Variants in PRRG1 observed in about 807,000 individuals in gnomAD.
PRRG1 encodes transmembrane gamma-carboxyglutamic acid protein 1.
A neutral mutation model predicts 11.8 loss-of-function variants in PRRG1; 5 were observed. The observed-to-expected ratio is 0.42, with a 90% CI of 0.22 to 0.89. The LOEUF is 0.89. PRRG1 is among the 40% of genes least tolerant of loss of function. PRRG1 has a pLI of 0.28. For missense variants in PRRG1, 155 were observed against 166.1 expected (o/e 0.93, Z 0.37); for synonymous variants, 66 against 60.4 (o/e 1.09, Z -0.43).
At chrX:37,358,665 C>A (rs1260290178) in intron 1 of PRRG1, among the ~76,000 whole-genome samples, 1 of 111,122 alleles carries the variant, frequency 9.0e-6, no homozygotes, top group Non-Finnish European at 1.9e-5. Context: ...CTTTGGTGTT[C>A]TACAATATTG....
intron 2 of PRRG1, among the ~76,000 whole-genome samples, chrX:37,423,453 A>G (rs1483015991): frequency 5.4e-5 from 6 of 110,386 alleles, no homozygotes; most frequent in Non-Finnish European, 1.1e-4. Context: ...TAGTAAGCCA[A>G]GGTTAATTTA....
intron 1 of PRRG1, among the ~76,000 whole-genome samples, chrX:37,352,478 C>T (rs1051506731): frequency 9.0e-6 from 1 of 111,588 alleles, no homozygotes; most frequent in Admixed American, 9.5e-5. Flanking sequence ...ATCTGTGGAC[C>T]TACTGACTGA....
intron 1 of PRRG1, among the ~76,000 whole-genome samples, chrX:37,353,101 A>G (rs3951838): frequency 0.036 from 3,972 of 111,800 alleles, 174 homozygotes; most frequent in African/African-American, 0.12. Flanking sequence ...CATTGTTATC[A>G]TAGGGGATGA....
At chrX:37,353,665 G>T (rs1274973857) in intron 1 of PRRG1, among the ~76,000 whole-genome samples, 3 of 111,777 alleles carry the variant, frequency 2.7e-5, no homozygotes, top group Non-Finnish European at 5.7e-5. Context: ...TACATTTTCT[G>T]TGTTTAGATA....
In PRRG1 at chrX:37,354,537, C is replaced by T. The variant is rs1000686182; in HGVS notation, c.-42+5142C>T. On this transcript the variant is annotated intron_variant, in intron 1 of 3. Coordinates refer to ENST00000378628, the MANE Select transcript of PRRG1 (RefSeq NM_001142395.2). ...CCTCCCAAGTAGCTGGGACTACAGG[C>T]GACTACCACCATGCCTGGCTAATTT... Among the ~76,000 whole-genome samples, 8 of 108,854 alleles carry T rather than the reference C, an allele frequency of 7.3e-5. 1 individual carries two copies. Among genetic ancestry groups the T allele is most frequent in the Non-Finnish European group, 1.1e-4 (6 of 52,315 alleles). 94.5% of individuals were successfully genotyped at this position (108,854 alleles called of 115,157 possible).
intron 2 of PRRG1, among the ~76,000 whole-genome samples, chrX:37,422,429 T>C (rs1363180240): frequency 9.0e-6 from 1 of 111,594 alleles, no homozygotes; most frequent in Non-Finnish European, 1.9e-5. Context: ...CAGACTCAAA[T>C]CCATTTTCTA....
chrX:37,358,745 T>A (rs922993185), intron 1 of PRRG1, among the ~76,000 whole-genome samples: 1 of 111,574 alleles, frequency 9.0e-6, no homozygotes, highest in African/African-American at 3.3e-5. Flanking sequence ...AAAAAAAAAA[T>A]TCACAATATC....
chrX:37,408,393 C>G (rs1556382650), intron 2 of PRRG1, among the ~76,000 whole-genome samples: 3 of 111,865 alleles, frequency 2.7e-5, no homozygotes, highest in African/African-American at 9.8e-5. Flanking sequence ...TTGGTTTGAC[C>G]AGGTATGTCG....
chrX:37,438,103 T>G (rs1556392462), intron 3 of PRRG1, among the ~76,000 whole-genome samples: 1 of 110,231 alleles, frequency 9.1e-6, no homozygotes, highest in Non-Finnish European at 1.9e-5. Context: ...TCCCAGCTAC[T>G]CGAGAGGGGG....
intron 1 of PRRG1, among the ~76,000 whole-genome samples, chrX:37,362,009 T>G (rs782004289): frequency 8.9e-6 from 1 of 112,193 alleles, no homozygotes; most frequent in Non-Finnish European, 1.9e-5. Context: ...AATAATTATT[T>G]TGGCAAGGAT....
chrX:37,364,098 A>G (rs1930495176), intron 1 of PRRG1, among the ~76,000 whole-genome samples: 1 of 111,472 alleles, frequency 9.0e-6, no homozygotes, highest in South Asian at 3.8e-4. Flanking sequence ...GAATGTGACC[A>G]CATGGGATTC....
intron 1 of PRRG1, among the ~76,000 whole-genome samples, chrX:37,371,994 G>C (rs781825815): frequency 1.3e-4 from 15 of 113,098 alleles, no homozygotes; most frequent in Non-Finnish European, 3.7e-5. Context: ...CAAGAATCCT[G>C]TGACAGAACT....
chrX:37,352,492 A>C (rs1377621025), intron 1 of PRRG1, among the ~76,000 whole-genome samples: 1 of 111,594 alleles, frequency 9.0e-6, no homozygotes, highest in Non-Finnish European at 1.9e-5. Flanking sequence ...TGACTGAAAA[A>C]ATATTCCAAA....
rs781931005 is a variant in PRRG1, at chrX:37,377,528, A to G, written c.-42+28133A>G. 4.5e-5 allele frequency among the ~76,000 whole-genome samples: 5 copies of G among 111,910 alleles called. No individual in the cohort carries two copies. The South Asian group carries it at 1.5e-3, about 33-fold the overall frequency. ...AAATCCTCAAAATACAACTTGAAAG[A>G]CTTTTGACTTTTAGCCCATTATCCT... On this transcript the variant is annotated intron_variant, in intron 1 of 3. Coordinates refer to ENST00000378628, the MANE Select transcript of PRRG1 (RefSeq NM_001142395.2).
chrX:37,367,106 A>G lies in PRRG1; in HGVS notation c.-42+17711A>G, dbSNP rs782738032. ...TCAAAGAAACCAAATGTTTGACCAT[A>G]TAAGCATCTGTAAAACATTTCTAGT... is the stretch of plus-strand genomic sequence containing the variant. On this transcript the variant is annotated intron_variant, in intron 1 of 3. Transcript: ENST00000378628. Among the ~76,000 whole-genome samples the G allele has an allele frequency of 3.6e-5, 4 of 112,187 alleles. No homozygotes were observed. The Admixed American group carries it at 3.8e-4, about 11-fold the overall frequency.
intron 1 of PRRG1, among the ~76,000 whole-genome samples, chrX:37,401,746 A>G (rs1264428406): frequency 1.8e-5 from 2 of 111,299 alleles, no homozygotes; most frequent in Admixed American, 1.9e-4. Context: ...CCATTGTCTC[A>G]GCCCAAAATC....
At chrX:37,402,768 A>T (rs1300277192) in intron 1 of PRRG1, among the ~76,000 whole-genome samples, 1 of 111,584 alleles carries the variant, frequency 9.0e-6, no homozygotes, top group Non-Finnish European at 1.9e-5. Context: ...ATCTACAATG[A>T]ACTCAAACAA....
chrX:37,355,955 A>G (rs782505926), intron 1 of PRRG1, among the ~76,000 whole-genome samples: 2 of 112,394 alleles, frequency 1.8e-5, no homozygotes, highest in Admixed American at 9.4e-5. Context: ...TAAGACTGCT[A>G]TATCATAAGT....
At chrX:37,400,814 C>A (rs191453327) in intron 1 of PRRG1, among the ~76,000 whole-genome samples, 3,981 of 111,375 alleles carry the variant, frequency 0.036, 181 homozygotes, top group African/African-American at 0.12. Context: ...CACCACCAAT[C>A]CCACAGAAAT....
Sources: gnomAD v4.1 joint callset for allele counts (sites outside exome capture counted in the v4.1 genomes callset) on GRCh38, gnomAD v4.1.1 for gene constraint, MANE v1.5 for transcripts, NCBI Gene and HGNC (gene_info 2026-07-23, HGNC 2026-07-21) for gene names.